Variants in PAQR5 observed in about 807,000 individuals in gnomAD.
PAQR5 encodes the protein membrane progestin receptor gamma.
In PAQR5, 20 loss-of-function variants were observed where a neutral mutation model predicts 34.5. The observed-to-expected ratio is 0.58, with a 90% CI of 0.41 to 0.84. The LOEUF (loss-of-function observed/expected upper bound fraction) is 0.84, where lower values mean the gene tolerates loss of function less well. PAQR5 is among the 40% of genes least tolerant of loss of function. The probability of loss-of-function intolerance (pLI) is 0.00; values close to 1 mark genes in which losing one functional copy is unlikely to be tolerated. For synonymous variants in PAQR5, 131 were observed against 155.6 expected (o/e 0.84, Z 1.18); for missense variants, 378 against 412.7 (o/e 0.92, Z 0.73).
At chr15:69,305,569 A>C (rs2140520512) in intron 1 of PAQR5, among the ~76,000 whole-genome samples, 1 of 152,148 alleles carries the variant, frequency 6.6e-6, no homozygotes, top group Non-Finnish European at 1.5e-5. Context: ...CCGCACACTA[A>C]GGTCAGTGGC....
intron 2 of PAQR5, among the ~76,000 whole-genome samples, chr15:69,339,168 A>ACCCCCCCCCCCCCCCCCCC (rs111647955): frequency 1.1e-4 from 15 of 134,060 alleles, no homozygotes; most frequent in South Asian, 2.4e-4. Context: ...CCCACTGGCT[A>ACCCCCCCCCCCCCCCCCCC]CACCCCCCAC....
Position 69,405,775 on chromosome 15 carries a change from T to C in PAQR5, c.*1953T>C, listed in dbSNP as rs1379966034. ...AAGGATTTTTAGATTATTTAATCTT[T>C]GCTTATGTTGCTTTTTCACATGCTT... On this transcript the variant is annotated 3_prime_UTR_variant, in exon 9 of 9. Transcript: ENST00000395407. 6.6e-6 allele frequency: 1 copy of C among 152,248 alleles called. No individual in the cohort carries two copies. The highest frequency in any genetic ancestry group is 1.5e-5 in the Non-Finnish European group (1 of 68,040). The allele number at this position is 152,248 out of a possible 1,614,324, so 9.4% of individuals were successfully genotyped here. A position where few individuals can be genotyped will look rare whatever the true frequency, so the allele number is the denominator to read the frequency against.
intron 1 of PAQR5, among the ~76,000 whole-genome samples, chr15:69,317,645 T>C (rs545009983): frequency 2.0e-5 from 3 of 152,324 alleles, no homozygotes; most frequent in African/African-American, 7.2e-5. Flanking sequence ...TCAGAGTTAA[T>C]GATTGCTAGA....
chr15:69,361,896 C>A (rs1348242582), intron 3 of PAQR5, among the ~76,000 whole-genome samples: 1 of 150,636 alleles, frequency 6.6e-6, no homozygotes, highest in African/African-American at 2.5e-5. Flanking sequence ...GAGAGCATTC[C>A]AGGTGGAAGG....
chr15:69,305,589 C>T (rs1045583525), intron 1 of PAQR5, among the ~76,000 whole-genome samples: 32 of 151,958 alleles, frequency 2.1e-4, no homozygotes, highest in African/African-American at 7.5e-4. Flanking sequence ...CCTTCCAGTG[C>T]GGGGCAGCGT....
At chr15:69,321,997 T>C (rs540750081) in intron 1 of PAQR5, among the ~76,000 whole-genome samples, 2 of 152,206 alleles carry the variant, frequency 1.3e-5, no homozygotes, top group South Asian at 4.1e-4. Flanking sequence ...AATTTTACCC[T>C]AGAAAGCATT....
At chr15:69,318,165 G>A (rs2053998132) in intron 1 of PAQR5, among the ~76,000 whole-genome samples, 1 of 152,252 alleles carries the variant, frequency 6.6e-6, no homozygotes, top group Non-Finnish European at 1.5e-5. Context: ...CACCCAGCCA[G>A]CCTGAGCTGC....
intron 3 of PAQR5, among the ~76,000 whole-genome samples, chr15:69,369,079 T>C (rs1306619978): frequency 6.6e-6 from 1 of 152,242 alleles, no homozygotes; most frequent in Non-Finnish European, 1.5e-5. Flanking sequence ...CCTGTTCTTT[T>C]CAAATTGGCT....
chr15:69,390,453 G>A (rs2056237425), intron 6 of PAQR5, among the ~76,000 whole-genome samples: 1 of 151,420 alleles, frequency 6.6e-6, no homozygotes, highest in African/African-American at 2.4e-5. Context: ...GGGCTCGTCT[G>A]CTGCATTCTT....
chr15:69,300,083 TG>T (rs2053497490), intron 1 of PAQR5, among the ~76,000 whole-genome samples: 1 of 152,144 alleles, frequency 6.6e-6, no homozygotes, highest in African/African-American at 2.4e-5. Context: ...CAGAGCTGCA[TG>T]GTCGCTTCTG....
intron 1 of PAQR5, among the ~76,000 whole-genome samples, chr15:69,310,208 C>A (rs183969751): frequency 1.3e-5 from 2 of 152,160 alleles, no homozygotes; most frequent in African/African-American, 4.8e-5. Flanking sequence ...CCCACAGAAT[C>A]CCCTTGTACT....
chr15:69,359,756 T>C (rs11072091), intron 2 of PAQR5, among the ~76,000 whole-genome samples: 151,588 of 152,128 alleles, frequency 1, 75,525 homozygotes, highest in Middle Eastern at 1. Flanking sequence ...ATATGAGGGG[T>C]GGTCTCCTCC....
intron 3 of PAQR5, among the ~76,000 whole-genome samples, chr15:69,378,774 C>T (rs544322461): frequency 1.2e-4 from 18 of 152,172 alleles, no homozygotes; most frequent in Non-Finnish European, 2.2e-4. Flanking sequence ...GATTTTTGCC[C>T]CCAGGGGACA....
chr15:69,374,459 T>C (rs1470657288), intron 3 of PAQR5, among the ~76,000 whole-genome samples: 1 of 152,172 alleles, frequency 6.6e-6, no homozygotes, highest in East Asian at 1.9e-4. Flanking sequence ...GTGGATCACC[T>C]GAGATCAGGG....
intron 1 of PAQR5, among the ~76,000 whole-genome samples, chr15:69,311,730 C>T (rs2053838231): frequency 6.6e-6 from 1 of 152,208 alleles, no homozygotes; most frequent in Non-Finnish European, 1.5e-5. Flanking sequence ...TGACCGAGGC[C>T]TCACGCTCAC....
chr15:69,391,673 T>G (rs765987841), intron 6 of PAQR5: 2 of 456,050 alleles, frequency 4.4e-6, no homozygotes, highest in South Asian at 3.1e-5. Context: ...TGTGTGGCTC[T>G]GGCGTTTGAA....
intron 1 of PAQR5, among the ~76,000 whole-genome samples, chr15:69,308,257 C>T (rs1042113772): frequency 6.6e-6 from 1 of 152,092 alleles, no homozygotes; most frequent in African/African-American, 2.4e-5. Context: ...GGGTAGAGAC[C>T]CAGAGATCAA....
chr15:69,312,506 CA>C (rs1426034763), intron 1 of PAQR5, among the ~76,000 whole-genome samples: 1 of 151,738 alleles, frequency 6.6e-6, no homozygotes, highest in Non-Finnish European at 1.5e-5. Context: ...TCAACCCTGG[CA>C]AAAGTCATCC....
In PAQR5 at chr15:69,366,243, C is replaced by T. The variant is rs147048251; in HGVS notation, c.51+6112C>T. On this transcript the variant is annotated intron_variant, in intron 3 of 8. Coordinates refer to ENST00000395407, the MANE Select transcript of PAQR5 (RefSeq NM_017705.4). ...TTTCTGACTGCCTTCTTTCACTTAGCAGGATGTTTTCAAGGTTCATCTATG... is the reference window on the plus strand; with the variant it reads ...TTTCTGACTGCCTTCTTTCACTTAGTAGGATGTTTTCAAGGTTCATCTATG... Among the ~76,000 whole-genome samples the T allele has an allele frequency of 1.6e-4, 24 of 152,324 alleles. No homozygotes were observed. The East Asian group carries it at 4.4e-3, about 28-fold the overall frequency.
Sources: gnomAD v4.1 joint callset for allele counts (sites outside exome capture counted in the v4.1 genomes callset) on GRCh38, gnomAD v4.1.1 for gene constraint, MANE v1.5 for transcripts, NCBI Gene and HGNC (gene_info 2026-07-23, HGNC 2026-07-21) for gene names.